Variants in MIOS observed in about 807,000 individuals in gnomAD.
MIOS encodes the protein meiosis regulator for oocyte development.
A neutral mutation model predicts 96.9 loss-of-function variants in MIOS; 52 were observed. That is an observed-to-expected ratio of 0.54 (90% CI 0.43 to 0.68). MIOS has a LOEUF of 0.68. Among genes scored for constraint, MIOS ranks in the 30% least tolerant of loss-of-function variants. The probability of loss-of-function intolerance (pLI) is 0.00; values close to 1 mark genes in which losing one functional copy is unlikely to be tolerated. For missense variants in MIOS, 1,005 were observed against 1,052.8 expected, an observed-to-expected ratio of 0.95 and a Z score of 0.63; for synonymous variants, 397 against 359.5, an observed-to-expected ratio of 1.10 and a Z score of -1.18.
chr7:7,608,993 TTTTCTCATTTTTA>T, downstream of MIOS: 1 of 152,082 alleles, frequency 6.6e-6, no homozygotes, highest in Non-Finnish European at 1.5e-5. Flanking sequence ...AATCAAATTA[TTTTCTCATTTTTA>T]TCACTAAGTC....
In MIOS at chr7:7,574,192, G is replaced by T. The variant is rs905602387; in HGVS notation, c.1389G>T (p.Ser463=). ...GAATTAAATCAATTGTAAAGTCATC[G>T]TTGGGTAAGAAAATTCTATTTCATT... ...YAGIKSIVKS[S]LGMVESSRHN... is the part of the protein sequence containing the mutation. The change falls in exon 5 of 13, where the codon TCG becomes TCT. Residue 463 remains serine (S), a synonymous_variant. Coordinates refer to ENST00000340080, the MANE Select transcript of MIOS (RefSeq NM_019005.4). 6.3e-7 allele frequency: 1 copy of T among 1,595,836 alleles called. No homozygotes were observed. Among genetic ancestry groups the T allele is most frequent in the South Asian group, 1.1e-5 (1 of 88,322 alleles).
At position 7,573,921 on chromosome 7, in the gene MIOS, T is replaced by C; in HGVS notation, c.1294+152T>C. 1 of 1,023,094 alleles carries C rather than the reference T, an allele frequency of 9.8e-7. No homozygotes were observed. The allele number at this position is 1,023,094 out of a possible 1,614,324, so 63.4% of individuals were successfully genotyped here. ...TATAAAGTAAAATTGTTCTAAACTT[T>C]CGAACTTGAAATACTGCTTTGTAGA... On this transcript the variant is annotated intron_variant, in intron 4 of 12. Coordinates refer to ENST00000340080, the MANE Select transcript of MIOS (RefSeq NM_019005.4). The surrounding 1 kb of genome is among the most constrained non-coding windows in gnomAD (Gnocchi z 5.0).
intron 6 of MIOS, 83 bp downstream of exon 6, chr7:7,583,455 A>G (rs2115408339): frequency 1.5e-6 from 2 of 1,353,852 alleles, no homozygotes; most frequent in African/African-American, 1.5e-5. Context: ...GAGGCTAATA[A>G]TTTTCAAATA....
At chr7:7,591,896 T>G (rs1285853170) in intron 9 of MIOS, among the ~76,000 whole-genome samples, 1 of 152,194 alleles carries the variant, frequency 6.6e-6, no homozygotes, top group Non-Finnish European at 1.5e-5. Context: ...TACATATGTA[T>G]TAAACCACTT....
chr7:7,601,900 A>T (rs1468375553), intron 11 of MIOS, among the ~76,000 whole-genome samples: 2 of 152,238 alleles, frequency 1.3e-5, no homozygotes, highest in African/African-American at 2.4e-5. Context: ...CATCCCTGGG[A>T]TGCAAGGCTG....
Position 7,607,383 on chromosome 7 carries a change from G to A in MIOS, c.*291G>A, listed in dbSNP as rs917059985. On this transcript the variant is annotated 3_prime_UTR_variant, in exon 13 of 13. Coordinates refer to ENST00000340080, the MANE Select transcript of MIOS (RefSeq NM_019005.4). The stretch of plus-strand genomic sequence containing the variant: ...GGTTGAAATTATGAACACTCTAGAA[G>A]CAGAATTTCTGGAAGAGCCAAGAAC... 1 of 204,258 alleles carries A rather than the reference G, an allele frequency of 4.9e-6. No individual in the cohort carries two copies. The allele number at this position is 204,258 out of a possible 1,614,324, so 12.7% of individuals were successfully genotyped here.
Position 7,572,946 on chromosome 7 carries a change from C to G in MIOS, c.471C>G (p.Pro157=). The change falls in exon 4 of 13, where the codon CCC becomes CCG. Residue 157 remains proline (P), a synonymous_variant. Coordinates refer to ENST00000340080, the MANE Select transcript of MIOS (RefSeq NM_019005.4). The surrounding 1 kb of genome is among the most constrained non-coding windows in gnomAD (Gnocchi z 4.8). ...ICSKYTPDIV[P]MEKVKLSAGE... ...GCAAATATACTCCTGATATAGTTCC[C>G]ATGGAAAAAGTGAAACTTTCAGCAG... is the stretch of plus-strand genomic sequence containing the variant. 1 of 1,614,056 alleles carries G rather than the reference C, an allele frequency of 6.2e-7. No homozygotes were observed. The highest frequency in any genetic ancestry group is 8.5e-7 in the Non-Finnish European group (1 of 1,179,982).
chr7:7,585,510 T>C, intron 6 of MIOS, 126 bp from the exon 7 acceptor site: 1 of 721,652 alleles, frequency 1.4e-6, no homozygotes, highest in Non-Finnish European at 2.0e-6. Flanking sequence ...CCCAAAACCC[T>C]TATTCTCTGA....
In MIOS at chr7:7,574,152, C is replaced by T; in HGVS notation, c.1349C>T (p.Ser450Leu). ...CAGAAATCTCCAGGCAACAAAGGAT[C>T]ATTGGTTTATGCAGGAATTAAATCA... The part of the protein sequence containing the change: ...MDQKSPGNKG[S>L]LVYAGIKSIV... The change falls in exon 5 of 13, where the codon TCA becomes TTA. Residue 450 changes from serine to leucine, a missense_variant. Around this residue, in one of 3 missense-constraint regions of MIOS, gnomAD observed 865 missense variants for 887.9 expected, o/e 0.97. Transcript: ENST00000340080. 6.2e-7 allele frequency: 1 copy of T among 1,610,814 alleles called. No individual in the cohort carries two copies.
intron 9 of MIOS, among the ~76,000 whole-genome samples, chr7:7,592,408 T>A (rs1329491681): frequency 6.6e-6 from 1 of 152,354 alleles, no homozygotes; most frequent in Middle Eastern, 3.4e-3. Flanking sequence ...TGTTACAGTT[T>A]ACTTTAGCAG....
intron 5 of MIOS, among the ~76,000 whole-genome samples, chr7:7,580,087 C>T (rs746378377): frequency 6.6e-6 from 1 of 152,088 alleles, no homozygotes; most frequent in Non-Finnish European, 1.5e-5. Flanking sequence ...GCTTTAAATC[C>T]AAAATTTATA....
chr7:7,570,625 G>A (rs1379358240), intron 3 of MIOS, among the ~76,000 whole-genome samples: 1 of 151,878 alleles, frequency 6.6e-6, no homozygotes, highest in Non-Finnish European at 1.5e-5. Flanking sequence ...GCAACTAGAT[G>A]GTCCCATATG....
chr7:7,575,192 T>C (rs1583626021), intron 5 of MIOS, among the ~76,000 whole-genome samples: 1 of 152,138 alleles, frequency 6.6e-6, no homozygotes, highest in East Asian at 1.9e-4. Context: ...AGAGCAGTAA[T>C]AGAAGTAGTA....
intron 6 of MIOS, among the ~76,000 whole-genome samples, chr7:7,584,511 T>C (rs1336535572): frequency 6.6e-6 from 1 of 152,168 alleles, no homozygotes; most frequent in Non-Finnish European, 1.5e-5. Flanking sequence ...AGTAAATTGT[T>C]CTATACAAAA....
At chr7:7,585,408 AC>A (rs11290571) in intron 6 of MIOS, among the ~76,000 whole-genome samples, 87,421 of 131,342 alleles carry the variant, frequency 0.67, 27,789 homozygotes, top group Admixed American at 0.77. Context: ...CAAAACCCAA[AC>A]CCCCCCCTTT....
chr7:7,609,105 A>G (rs186837055), downstream of MIOS, among the ~76,000 whole-genome samples: 84 of 152,222 alleles, frequency 5.5e-4, 2 homozygotes, highest in East Asian at 0.016. Context: ...TATTATTTTT[A>G]AAAGATTGAA....
At chr7:7,570,465 C>T (rs775516506) in intron 3 of MIOS, among the ~76,000 whole-genome samples, 5 of 151,662 alleles carry the variant, frequency 3.3e-5, no homozygotes, top group Non-Finnish European at 5.9e-5. Context: ...AATTTTCTCA[C>T]GGATGAGGGG....
Position 7,605,945 on chromosome 7 carries a change from G to C in MIOS, c.2405G>C (p.Gly802Ala), listed in dbSNP as rs1784518482. The change falls in exon 12 of 13, where the codon GGA (glycine) becomes GCA (alanine). Residue 802 changes from glycine to alanine, a missense_variant. Transcript: ENST00000340080. ...AGATCATTTTATTTTGTCATAGGAGGAACCAAATCAGATGAAAAAGTGGAC... is the reference window on the plus strand; with the variant it reads ...AGATCATTTTATTTTGTCATAGGAGCAACCAAATCAGATGAAAAAGTGGAC... ...MGTPVSSCPG[G>A]TKSDEKVDLS... 6.2e-7 allele frequency: 1 copy of C among 1,613,018 alleles called. No individual in the cohort carries two copies. Among genetic ancestry groups the C allele is most frequent in the South Asian group, 1.1e-5 (1 of 91,022 alleles).
In MIOS at chr7:7,573,562, A is replaced by G. The variant is rs773661985; in HGVS notation, c.1087A>G (p.Ile363Val). The G allele has an allele frequency of 1.2e-5, 19 of 1,613,968 alleles. No individual in the cohort carries two copies. The highest frequency in any genetic ancestry group is 1.6e-4 in the Middle Eastern group (1 of 6,084). The change falls in exon 4 of 13, where the codon ATT becomes GTT. Residue 363 changes from isoleucine to valine, a missense_variant. By Grantham distance (29) the Ile-to-Val change is conservative. Coordinates refer to ENST00000340080, the MANE Select transcript of MIOS (RefSeq NM_019005.4). This position sits in a 1 kb window ranked among gnomAD's most constrained non-coding sequence, Gnocchi z 5.0. ...AAGGATATCTCTTGCCTGGAGCCCA[A>G]TTACATCTTTAATGTGGGCTTGTGG... The part of the protein sequence containing the change: ...FERISLAWSP[I>V]TSLMWACGRH...
Sources: gnomAD v4.1 joint callset for allele counts (sites outside exome capture counted in the v4.1 genomes callset) on GRCh38, gnomAD v4.1.1 for gene constraint, gnomAD v4.1.1 regional missense constraint, Gnocchi (gnomAD v3.1) non-coding constraint, MANE v1.5 for transcripts, NCBI Gene and HGNC (gene_info 2026-07-23, HGNC 2026-07-21) for gene names.